Variants in OXR1 observed in about 807,000 individuals in gnomAD.
OXR1 encodes oxidation resistance 1, also known as oxidation resistance protein 1.
Under a neutral mutation model 104.6 loss-of-function variants are expected in OXR1, and 41 were observed. The observed-to-expected ratio is 0.39, with a 90% CI of 0.31 to 0.51. OXR1 has a LOEUF of 0.51. Among genes scored for constraint, OXR1 ranks in the 20% least tolerant of loss-of-function variants. The pLI is 0.77. For synonymous variants in OXR1, 348 were observed against 348.4 expected (o/e 1.00, Z 0.01); for missense variants, 955 against 1,031.9 (o/e 0.93, Z 1.02).
At chr8:106,707,485 G>T (rs552125104) in intron 9 of OXR1, 12 of 442,794 alleles carry the variant, frequency 2.7e-5, no homozygotes, top group Middle Eastern at 5.6e-4. Flanking sequence ...AAAAGTTTTT[G>T]GTGTGTTACC....
At chr8:106,304,338 T>C (rs1813387310) in intron 1 of OXR1, among the ~76,000 whole-genome samples, 1 of 152,184 alleles carries the variant, frequency 6.6e-6, no homozygotes, top group African/African-American at 2.4e-5. Context: ...ATAAGTAAAT[T>C]GTCAGACTAG....
chr8:106,525,641 C>G (rs1179173348), intron 3 of OXR1, among the ~76,000 whole-genome samples: 1 of 152,240 alleles, frequency 6.6e-6, no homozygotes, highest in Non-Finnish European at 1.5e-5. Context: ...TTTAGCCTTT[C>G]CTCGGCAGGG....
intron 2 of OXR1, among the ~76,000 whole-genome samples, chr8:106,470,447 A>G (rs1821426338): frequency 1.3e-5 from 2 of 151,826 alleles, no homozygotes; most frequent in South Asian, 2.1e-4. Flanking sequence ...GAGCAACTGA[A>G]AAAATGGACT....
chr8:106,672,184 T>C (rs543837293), intron 3 of OXR1, among the ~76,000 whole-genome samples: 1 of 151,062 alleles, frequency 6.6e-6, no homozygotes, highest in Non-Finnish European at 1.5e-5. Flanking sequence ...AGATAGAAAA[T>C]AGAACAAATA....
intron 3 of OXR1, among the ~76,000 whole-genome samples, chr8:106,607,926 A>G (rs1349465244): frequency 6.6e-6 from 1 of 151,966 alleles, no homozygotes; most frequent in Admixed American, 6.6e-5. Context: ...CTTTCTTTAA[A>G]GCCTCTAGTT....
intron 2 of OXR1, among the ~76,000 whole-genome samples, chr8:106,403,884 T>TG (rs1563757038): frequency 2.2e-4 from 34 of 152,166 alleles, no homozygotes; most frequent in African/African-American, 8.2e-4. Flanking sequence ...CAGCTCTTCA[T>TG]GGGTCACACT....
At chr8:106,727,654 A>C (rs982792255) in intron 11 of OXR1, among the ~76,000 whole-genome samples, 2 of 152,124 alleles carry the variant, frequency 1.3e-5, no homozygotes, top group African/African-American at 4.8e-5. Flanking sequence ...TCCTGAGCTC[A>C]GCTCAGGAGA....
chr8:106,289,764 C>T (rs183005989), intron 1 of OXR1, among the ~76,000 whole-genome samples: 84 of 152,230 alleles, frequency 5.5e-4, no homozygotes, highest in South Asian at 1.5e-3. Flanking sequence ...CCACCCAAAT[C>T]CCATCTTGAA....
intron 3 of OXR1, among the ~76,000 whole-genome samples, chr8:106,584,698 T>A (rs1022524205): frequency 1.3e-5 from 2 of 152,102 alleles, no homozygotes; most frequent in African/African-American, 4.8e-5. Flanking sequence ...TATGCACATT[T>A]TAAAAATTTC....
intron 7 of OXR1, 92 bp from the exon 8 acceptor site, chr8:106,702,814 C>A: frequency 1.0e-6 from 1 of 958,176 alleles, no homozygotes; most frequent in African/African-American, 1.6e-5. Context: ...TTATATATGG[C>A]CTAACATCAG....
At chr8:106,359,047 TTTTCTTTCTTTCTTTC>T (rs76498142) in intron 1 of OXR1, among the ~76,000 whole-genome samples, 1,619 of 141,240 alleles carry the variant, frequency 0.011, 12 homozygotes, top group African/African-American at 0.027. Flanking sequence ...CATGGAATTC[TTTTCTTTCTTTCTTTC>T]TTTCTTTCTT....
chr8:106,680,640 A>G (rs1828056412), intron 4 of OXR1, among the ~76,000 whole-genome samples: 1 of 152,068 alleles, frequency 6.6e-6, no homozygotes, highest in Non-Finnish European at 1.5e-5. Flanking sequence ...TCCCAATGTG[A>G]GTGGTCCCTT....
chr8:106,551,070 C>T (rs957256864), intron 3 of OXR1, among the ~76,000 whole-genome samples: 3 of 152,194 alleles, frequency 2.0e-5, no homozygotes. Context: ...TTTCCTTCCT[C>T]AGTGCATCCA....
At chr8:106,535,693 A>C (rs1814460447) in intron 3 of OXR1, among the ~76,000 whole-genome samples, 2 of 152,188 alleles carry the variant, frequency 1.3e-5, no homozygotes, top group South Asian at 4.1e-4. Context: ...TAATGGAGAA[A>C]AAAATTATTA....
chr8:106,655,874 C>A (rs1050925737), intron 3 of OXR1, among the ~76,000 whole-genome samples: 4 of 151,964 alleles, frequency 2.6e-5, no homozygotes, highest in Non-Finnish European at 5.9e-5. Context: ...AGAAAAAAAA[C>A]CCAAAACAGA....
At chr8:106,434,410 C>T (rs1429446433) in intron 2 of OXR1, among the ~76,000 whole-genome samples, 1 of 152,060 alleles carries the variant, frequency 6.6e-6, no homozygotes, top group Non-Finnish European at 1.5e-5. Context: ...AGAAATGAAA[C>T]TATTGAAAAA....
chr8:106,733,916 T>G (rs1834137301), intron 11 of OXR1, among the ~76,000 whole-genome samples: 1 of 151,422 alleles, frequency 6.6e-6, no homozygotes, highest in Non-Finnish European at 1.5e-5. Flanking sequence ...TTTCCCAGTA[T>G]TGATGAAAGA....
intron 7 of OXR1, among the ~76,000 whole-genome samples, chr8:106,695,096 C>T (rs1829874948): frequency 6.7e-6 from 1 of 150,156 alleles, no homozygotes; most frequent in African/African-American, 2.4e-5. Flanking sequence ...CCTTTGTGTT[C>T]TTATCGTAAC....
intron 1 of OXR1, among the ~76,000 whole-genome samples, chr8:106,283,530 T>C (rs1184084828): frequency 1.3e-5 from 2 of 152,220 alleles, no homozygotes; most frequent in Non-Finnish European, 2.9e-5. Flanking sequence ...TGCCTAGATC[T>C]ATACTCTTAT....
Sources: allele counts gnomAD v4.1 joint callset (sites outside exome capture counted in the v4.1 genomes callset), GRCh38; gene constraint gnomAD v4.1.1; transcripts MANE v1.5; gene names NCBI Gene and HGNC (gene_info 2026-07-23, HGNC 2026-07-21).